The following MAN1C1 variants were observed in gnomAD, a reference collection of about 807,000 sequenced individuals.
MAN1C1 encodes mannosidase alpha class 1C member 1, also known as mannosyl-oligosaccharide 1,2-alpha-mannosidase IC.
Under a neutral mutation model 71.5 loss-of-function variants are expected in MAN1C1, and 49 were observed. The observed-to-expected ratio is 0.69, with a 90% confidence interval of 0.54 to 0.87. MAN1C1 has a LOEUF of 0.87. Among genes scored for constraint, MAN1C1 ranks in the 40% least tolerant of loss-of-function variants. The pLI is 0.00. For missense variants in MAN1C1, 743 were observed against 835.0 expected (o/e 0.89, Z 1.36); for synonymous variants, 352 against 343.7 (o/e 1.02, Z -0.27).
intron 1 of MAN1C1, among the ~76,000 whole-genome samples, chr1:25,679,950 A>AATATATAT (rs71576063): frequency 4.3e-5 from 5 of 117,260 alleles, no homozygotes; most frequent in African/African-American, 1.9e-4. Flanking sequence ...AAAAAAAAAA[A>AATATATAT]ATATATATAT....
intron 5 of MAN1C1, among the ~76,000 whole-genome samples, chr1:25,755,135 C>G (rs1330503416): frequency 3.9e-5 from 6 of 152,190 alleles, no homozygotes; most frequent in Admixed American, 3.3e-4. Flanking sequence ...GTAACCAGCC[C>G]TGCCCTACTC....
At chr1:25,642,431 T>C (rs1260086071) in intron 1 of MAN1C1, among the ~76,000 whole-genome samples, 1 of 152,240 alleles carries the variant, frequency 6.6e-6, no homozygotes, top group Admixed American at 6.5e-5. Context: ...TGACTTCACC[T>C]GAGAATTGCT....
At chr1:25,696,075 G>A (rs2124202949) in intron 2 of MAN1C1, among the ~76,000 whole-genome samples, 1 of 152,360 alleles carries the variant, frequency 6.6e-6, no homozygotes, top group African/African-American at 2.4e-5. Context: ...TGGGGATGTA[G>A]GAGATGATTC....
rs1317875837 is a variant in MAN1C1, at chr1:25,746,796, C to A, written c.753+13C>A. On this transcript the variant is annotated intron_variant, in intron 3 of 11. Transcript: ENST00000374332. This position sits in a 1 kb window ranked among gnomAD's most constrained non-coding sequence, Gnocchi z 4.0. ...CCACCTGAACGTGGTGAGTCAGAGG[C>A]CCTCGGCGGGGGAGGGGGGCGGGGG... 7 of 1,487,012 alleles carry A rather than the reference C, an allele frequency of 4.7e-6. No individual in the cohort carries two copies. Among genetic ancestry groups the A allele is most frequent in the African/African-American group, 1.4e-5 (1 of 70,686 alleles). The allele number at this position is 1,487,012 out of a possible 1,614,324, so 92.1% of individuals were successfully genotyped here.
At chr1:25,619,840 C>A (rs1007470324) in intron 1 of MAN1C1, among the ~76,000 whole-genome samples, 1 of 152,174 alleles carries the variant, frequency 6.6e-6, no homozygotes, top group Non-Finnish European at 1.5e-5. Context: ...GCTCTTTTTG[C>A]CCCTCTCGAC....
intron 1 of MAN1C1, among the ~76,000 whole-genome samples, chr1:25,664,136 T>A (rs1223447165): frequency 2.0e-5 from 3 of 152,140 alleles, no homozygotes; most frequent in Admixed American, 6.5e-5. Context: ...TGGCAGCCCA[T>A]CTGCCCTCCA....
intron 1 of MAN1C1, chr1:25,659,260 G>A (rs2045813020): frequency 6.6e-6 from 1 of 152,242 alleles, no homozygotes; most frequent in African/African-American, 2.4e-5. Context: ...CACTCCCTGG[G>A]GCTTACAGTT....
chr1:25,663,545 T>TC (rs1182852534), intron 1 of MAN1C1, among the ~76,000 whole-genome samples: 3 of 152,234 alleles, frequency 2.0e-5, no homozygotes, highest in Non-Finnish European at 4.4e-5. Context: ...CCAAAATACT[T>TC]CGTTGTACTG....
intron 1 of MAN1C1, among the ~76,000 whole-genome samples, chr1:25,685,909 T>C (rs1354421252): frequency 1.1e-4 from 16 of 152,178 alleles, no homozygotes; most frequent in Admixed American, 1.0e-3. Flanking sequence ...ACCAAGGCTT[T>C]GGGGACAGAC....
chr1:25,676,450 T>C (rs1289652765), intron 1 of MAN1C1, among the ~76,000 whole-genome samples: 3 of 152,184 alleles, frequency 2.0e-5, no homozygotes, highest in Admixed American at 2.0e-4. Flanking sequence ...CATGTTGTGT[T>C]GCCCCAATAA....
intron 2 of MAN1C1, among the ~76,000 whole-genome samples, chr1:25,695,967 T>C (rs1409325977): frequency 6.6e-6 from 1 of 152,024 alleles, no homozygotes; most frequent in Non-Finnish European, 1.5e-5. Context: ...TCGAAGGGGG[T>C]ATTGGGCTGG....
rs748032758 is a variant in MAN1C1, at chr1:25,746,715, C to T, written c.685C>T (p.Leu229Phe). The change falls in exon 3 of 12, where the codon CTC becomes TTC. Residue 229 changes from leucine to phenylalanine, a missense_variant. Transcript: ENST00000374332. This position sits in a 1 kb window ranked among gnomAD's most constrained non-coding sequence, Gnocchi z 4.0. ...CATTGACTCCCTCGATACCCTCTAC[C>T]TCATGGAGCTGAAGGAGGAGTTCCA... Reference protein sequence around the residue: ...TVIDSLDTLYLMELKEEFQEA... With the variant: ...TVIDSLDTLYFMELKEEFQEA... 1.9e-6 allele frequency: 3 copies of T among 1,613,852 alleles called. No homozygotes were observed. The highest frequency in any genetic ancestry group is 1.7e-6 in the Non-Finnish European group (2 of 1,180,008).
intron 1 of MAN1C1, among the ~76,000 whole-genome samples, chr1:25,627,093 T>C (rs536929403): frequency 6.6e-6 from 1 of 152,358 alleles, no homozygotes; most frequent in Admixed American, 6.5e-5. Context: ...TATTTGCTAT[T>C]TAGATGTCCA....
At chr1:25,777,482 G>A (rs957548703) in intron 8 of MAN1C1, 2 of 152,278 alleles carry the variant, frequency 1.3e-5, no homozygotes, top group African/African-American at 2.4e-5. Flanking sequence ...GTGGGGTCTT[G>A]TTTCTAGGCT....
chr1:25,695,325 G>T (rs60689355), intron 2 of MAN1C1, among the ~76,000 whole-genome samples: 11,479 of 152,118 alleles, frequency 0.075, 611 homozygotes, highest in East Asian at 0.18. Flanking sequence ...CCCTGAAAGC[G>T]CCATCCGGAG....
intron 1 of MAN1C1, among the ~76,000 whole-genome samples, chr1:25,679,193 G>A (rs1300528012): frequency 6.6e-6 from 1 of 152,210 alleles, no homozygotes; most frequent in Non-Finnish European, 1.5e-5. Flanking sequence ...AGCCTGAATT[G>A]AGCTGAGACT....
At chr1:25,704,956 G>A (rs2046499198) in intron 2 of MAN1C1, among the ~76,000 whole-genome samples, 1 of 152,242 alleles carries the variant, frequency 6.6e-6, no homozygotes, top group Non-Finnish European at 1.5e-5. Flanking sequence ...GCCTTAAAAT[G>A]CGTGGGATTT....
At chr1:25,684,966 T>C (rs1054068147) in intron 1 of MAN1C1, among the ~76,000 whole-genome samples, 1 of 152,170 alleles carries the variant, frequency 6.6e-6, no homozygotes, top group Non-Finnish European at 1.5e-5. Flanking sequence ...AAACTCAGGG[T>C]GGGGCCCAAC....
chr1:25,745,610 G>T (rs187450981), intron 2 of MAN1C1, among the ~76,000 whole-genome samples: 1 of 152,342 alleles, frequency 6.6e-6, no homozygotes, highest in East Asian at 1.9e-4. Context: ...CTGCGTGGAT[G>T]ACTGCATGGT....
Sources: allele counts gnomAD v4.1 joint callset (sites outside exome capture counted in the v4.1 genomes callset), GRCh38; gene constraint gnomAD v4.1.1; non-coding constraint Gnocchi (gnomAD v3.1); transcripts MANE v1.5; gene names NCBI Gene and HGNC (gene_info 2026-07-23, HGNC 2026-07-21).